Variants in SOX5 observed in about 807,000 individuals in gnomAD.
The protein encoded by SOX5 is transcription factor SOX-5.
A neutral mutation model predicts 92.0 loss-of-function variants in SOX5; 9 were observed. The ratio of observed to expected loss-of-function variants is 0.10; its 90% confidence interval spans 0.06 to 0.17. The LOEUF is 0.17. Ranked by LOEUF, SOX5 falls within the 10% of genes least tolerant of loss-of-function variation. The pLI is 1.00. For synonymous variants in SOX5, 344 were observed against 336.3 expected, an observed-to-expected ratio of 1.02 and a Z score of -0.25; for missense variants, 642 against 944.5, an observed-to-expected ratio of 0.68 and a Z score of 4.20.
rs776502054 is a variant in SOX5 at position 24,090,006 on chromosome 12, C to T, written c.-2+123337G>A. On this transcript the variant is annotated intron_variant, in intron 4 of 4. Transcript: ENST00000446891. ...TTCAAGGAATCAATACGTAAGACCA[C>T]GTAAAACAACTTAAGAATGAACCAG... Among the ~76,000 whole-genome samples the T allele has an allele frequency of 4.6e-5, 7 of 151,952 alleles. No homozygotes were observed. The East Asian group carries it at 5.8e-4, about 13-fold the overall frequency.
intron 6 of SOX5, among the ~76,000 whole-genome samples, chr12:23,673,774 C>A (rs1025404403): frequency 2.6e-5 from 4 of 151,834 alleles, no homozygotes; most frequent in Non-Finnish European, 5.9e-5. Flanking sequence ...GAGGGATGAA[C>A]TGGGGACACA....
intron 4 of SOX5, among the ~76,000 whole-genome samples, chr12:24,039,475 ACT>A (rs1956329438): frequency 6.6e-6 from 1 of 152,070 alleles, no homozygotes; most frequent in South Asian, 2.1e-4. Context: ...AAAACAAAAA[ACT>A]CTGCAGCATT....
chr12:24,381,610 C>T (rs1957832684), intron 1 of SOX5, among the ~76,000 whole-genome samples: 1 of 152,178 alleles, frequency 6.6e-6, no homozygotes, highest in Admixed American at 6.5e-5. Context: ...TTAAACAGCT[C>T]TCTCTTATAT....
intron 4 of SOX5, among the ~76,000 whole-genome samples, chr12:23,984,124 T>C (rs1374178921): frequency 2.0e-5 from 3 of 152,172 alleles, no homozygotes; most frequent in African/African-American, 7.2e-5. Flanking sequence ...ATTTATTTAG[T>C]AACTTTCTAT....
chr12:23,660,605 C>A (rs11836292), intron 7 of SOX5, among the ~76,000 whole-genome samples: 38,793 of 151,918 alleles, frequency 0.26, 5,012 homozygotes, highest in Admixed American at 0.28. Context: ...TTATCTTCAT[C>A]ATACTATACA....
intron 4 of SOX5, among the ~76,000 whole-genome samples, chr12:24,172,006 T>TG (rs1954236279): frequency 6.6e-6 from 1 of 151,968 alleles, no homozygotes; most frequent in Non-Finnish European, 1.5e-5. Context: ...TGTGCATAGA[T>TG]GCTAGAGAAT....
At chr12:23,871,045 T>C (rs1457890993) in intron 2 of SOX5, among the ~76,000 whole-genome samples, 2 of 152,160 alleles carry the variant, frequency 1.3e-5, no homozygotes, top group African/African-American at 4.8e-5. Context: ...TACTATCTTT[T>C]TTAAATTATA....
chr12:24,456,353 G>C (rs1468659060), intron 1 of SOX5, among the ~76,000 whole-genome samples: 1 of 152,054 alleles, frequency 6.6e-6, no homozygotes, highest in African/African-American at 2.4e-5. Context: ...AATCACATTT[G>C]AGCTTAAATC....
chr12:24,184,573 C>A (rs373172491), intron 4 of SOX5, among the ~76,000 whole-genome samples: 31 of 152,114 alleles, frequency 2.0e-4, no homozygotes, highest in African/African-American at 7.5e-4. Flanking sequence ...AGGACAGACA[C>A]CCTAAATAAC....
chr12:24,424,811 G>GGGT lies in SOX5; in HGVS notation c.-250-56173_-250-56172insACC, dbSNP rs1555286281. Among the ~76,000 whole-genome samples, 19 of 149,322 alleles carry GGGT rather than the reference G, an allele frequency of 1.3e-4. 1 individual carries two copies. Among genetic ancestry groups the GGGT allele is most frequent in the Admixed American group, 6.7e-5 (1 of 15,030 alleles). On this transcript the variant is annotated intron_variant, in intron 1 of 4. Transcript: ENST00000446891. Reference sequence around the variant, plus strand: ...TTTTCTTTGTGAGTTTTTTTTTTGGGGGGGGGGGATGGCTGTTTTTCCCCC... The same window carrying GGGT: ...TTTTCTTTGTGAGTTTTTTTTTTGGGGGTGGGGGGGGATGGCTGTTTTTCCCCC...
At chr12:23,593,265 A>G (rs1194437567) in intron 9 of SOX5, among the ~76,000 whole-genome samples, 1 of 152,178 alleles carries the variant, frequency 6.6e-6, no homozygotes, top group African/African-American at 2.4e-5. Context: ...TGTAAATTAT[A>G]CCACTGCATC....
chr12:23,915,913 A>G (rs2097410101), intron 1 of SOX5, among the ~76,000 whole-genome samples: 1 of 152,176 alleles, frequency 6.6e-6, no homozygotes, highest in Non-Finnish European at 1.5e-5. Flanking sequence ...TAAATGTGGG[A>G]CACAGGTGCA....
chr12:23,765,350 T>TATGA (rs1164007517), intron 3 of SOX5, among the ~76,000 whole-genome samples: 2 of 123,056 alleles, frequency 1.6e-5, no homozygotes, highest in Non-Finnish European at 3.1e-5. Flanking sequence ...ATGTGTTAGC[T>TATGA]ATGATGTTGC....
chr12:23,828,255 G>A (rs901415420), intron 3 of SOX5, among the ~76,000 whole-genome samples: 8 of 152,116 alleles, frequency 5.3e-5, no homozygotes, highest in African/African-American at 1.7e-4. Flanking sequence ...GTTTGCACAA[G>A]GGCAAAATCA....
rs1396657025 is a variant in SOX5, at chr12:24,379,473, C to A, written c.-250-10834G>T. The stretch of plus-strand genomic sequence containing the variant: ...TATAATATGGCTGATTTGTCCAGAA[C>A]AGGCACCTGATCTAATCCAAGCCAA... On this transcript the variant is annotated intron_variant, in intron 1 of 4. Transcript: ENST00000446891. Among the ~76,000 whole-genome samples, 4 of 152,230 alleles carry A rather than the reference C, an allele frequency of 2.6e-5. No individual in the cohort carries two copies. In the East Asian group the frequency reaches 7.7e-4, roughly 29 times the overall value.
chr12:24,497,597 G>C (rs1947771117), intron 1 of SOX5, among the ~76,000 whole-genome samples: 1 of 152,188 alleles, frequency 6.6e-6, no homozygotes, highest in African/African-American at 2.4e-5. Flanking sequence ...TTACACTGTT[G>C]GTGGGAGTGT....
At chr12:23,755,504 AAAG>A (rs1262531045) in intron 4 of SOX5, 131 bp downstream of exon 4, 26 of 630,336 alleles carry the variant, frequency 4.1e-5, no homozygotes, top group Non-Finnish European at 5.1e-5. Context: ...TTCAAGATAG[AAAG>A]AAGAAACCCT....
At chr12:23,825,519 G>T (rs958438222) in intron 3 of SOX5, among the ~76,000 whole-genome samples, 1 of 152,128 alleles carries the variant, frequency 6.6e-6, no homozygotes, top group Non-Finnish European at 1.5e-5. Flanking sequence ...GTTCCTATTC[G>T]GCCATCTTGC....
At chr12:23,931,105 A>AAT (rs1312895350) in intron 1 of SOX5, among the ~76,000 whole-genome samples, 2 of 151,908 alleles carry the variant, frequency 1.3e-5, no homozygotes, top group Non-Finnish European at 2.9e-5. Context: ...CAAAATATTC[A>AAT]ATAAGTATTT....
Sources: allele counts gnomAD v4.1 joint callset (sites outside exome capture counted in the v4.1 genomes callset), GRCh38; gene constraint gnomAD v4.1.1; transcripts MANE v1.5; gene names NCBI Gene and HGNC (gene_info 2026-07-23, HGNC 2026-07-21).